Variants in SLC13A2 observed in about 807,000 individuals in gnomAD.
The protein encoded by SLC13A2 is solute carrier family 13 member 2, also known as Na(+)-coupled citrate transporter.
Under a neutral mutation model 58.5 loss-of-function variants are expected in SLC13A2, and 40 were observed. That is an observed-to-expected ratio of 0.68 (90% CI 0.53 to 0.89). The LOEUF (loss-of-function observed/expected upper bound fraction) is 0.89. Ranked by LOEUF, SLC13A2 falls within the 40% of genes least tolerant of loss-of-function variation. SLC13A2 has a pLI of 0.00. For synonymous variants in SLC13A2, 341 were observed against 331.6 expected, an observed-to-expected ratio of 1.03 and a Z score of -0.31; for missense variants, 694 against 772.6, an observed-to-expected ratio of 0.90 and a Z score of 1.21.
chr17:28,496,688 G>A lies in SLC13A2; in HGVS notation c.1608+101G>A. The A allele has an allele frequency of 2.0e-6, 3 of 1,474,686 alleles. No individual in the cohort carries two copies. The South Asian group carries it at 4.1e-5, about 20-fold the overall frequency. 91.4% of individuals were successfully genotyped at this position (1,474,686 alleles called of 1,614,324 possible). On this transcript the variant is annotated intron_variant, in intron 11 of 11. Transcript: ENST00000314669. The surrounding 1 kb of genome is among the most constrained non-coding windows in gnomAD (Gnocchi z 4.2). ...GCTTAAAGCCACTGAGAGTCTCAGA[G>A]TTGAGCGGGTCCTCATCTGGAATGA...
chr17:28,483,302 C>T (rs1235198751), intron 1 of SLC13A2, among the ~76,000 whole-genome samples: 2 of 152,172 alleles, frequency 1.3e-5, no homozygotes, highest in East Asian at 3.9e-4. Context: ...CAGCACCAAC[C>T]CTGCTATGGG....
chr17:28,475,510 C>T (rs1195365326), intron 1 of SLC13A2, among the ~76,000 whole-genome samples: 1 of 152,240 alleles, frequency 6.6e-6, no homozygotes, highest in Non-Finnish European at 1.5e-5. Flanking sequence ...CAAGAGCTCT[C>T]TTTCAAGGCC....
intron 4 of SLC13A2, 24 bp from the exon 5 acceptor site, chr17:28,491,413 A>G (rs2069016463): frequency 1.2e-6 from 2 of 1,611,764 alleles, no homozygotes; most frequent in South Asian, 2.2e-5. Context: ...ACCTGCCCCC[A>G]CCTGGGCTCT....
chr17:28,477,377 G>T (rs549471195), intron 1 of SLC13A2, among the ~76,000 whole-genome samples: 1,761 of 151,532 alleles, frequency 0.012, 20 homozygotes, highest in Non-Finnish European at 0.019. Context: ...TGTATTTTTA[G>T]TAGAGACGGG....
rs147270418 is a variant in SLC13A2 at position 28,491,528 on chromosome 17, C to T, written c.666C>T (p.Ser222=). ...QKHLHLTQCM[S]LCVCYSASIG... is the part of the protein sequence containing the mutation. ...ATCTCCACCTCACCCAGTGCATGAG[C>T]CTGTGCGTGTGCTACTCCGCCAGCA... The change falls in exon 5 of 12, where the codon AGC becomes AGT. Residue 222 remains serine, a synonymous_variant. Transcript: ENST00000314669. 1,596 of 1,613,806 alleles carry T rather than the reference C, an allele frequency of 9.9e-4. 1 individual carries two copies. The highest frequency in any genetic ancestry group is 1.3e-3 in the Non-Finnish European group (1,483 of 1,180,046).
intron 1 of SLC13A2, among the ~76,000 whole-genome samples, chr17:28,480,406 A>G (rs1296791541): frequency 1.3e-5 from 2 of 152,172 alleles, no homozygotes; most frequent in Non-Finnish European, 2.9e-5. Flanking sequence ...GACTTGGATG[A>G]TTCACTTCGG....
At chr17:28,487,966 A>G (rs1555602268) in intron 1 of SLC13A2, among the ~76,000 whole-genome samples, 1 of 151,940 alleles carries the variant, frequency 6.6e-6, no homozygotes, top group Non-Finnish European at 1.5e-5. Context: ...CCCAATCCCA[A>G]TCCTTTATCT....
intron 6 of SLC13A2, 44 bp from the exon 7 acceptor site, chr17:28,493,527 C>T: frequency 2.0e-6 from 3 of 1,521,472 alleles, no homozygotes; most frequent in Non-Finnish European, 1.8e-6. Context: ...TTGCTCCCTG[C>T]TGGAGCAGGC....
intron 1 of SLC13A2, among the ~76,000 whole-genome samples, chr17:28,478,370 A>AATGGTAAC: frequency 6.6e-6 from 1 of 152,356 alleles, no homozygotes; most frequent in South Asian, 2.1e-4. Flanking sequence ...TACCAAAAGG[A>AATGGTAAC]ATACAGATGT....
intron 1 of SLC13A2, among the ~76,000 whole-genome samples, chr17:28,474,756 C>A (rs1555599603): frequency 2.0e-5 from 3 of 152,210 alleles, no homozygotes; most frequent in Non-Finnish European, 4.4e-5. Context: ...CAGTCGGCCT[C>A]TGGCAAATCA....
chr17:28,485,176 C>T (rs1017354419), intron 1 of SLC13A2, among the ~76,000 whole-genome samples: 2 of 152,164 alleles, frequency 1.3e-5, no homozygotes, highest in African/African-American at 4.8e-5. Context: ...GAAGAGCATT[C>T]GCCACCAGGA....
intron 1 of SLC13A2, among the ~76,000 whole-genome samples, chr17:28,478,765 A>G (rs1320858614): frequency 3.3e-5 from 5 of 152,204 alleles, no homozygotes; most frequent in South Asian, 4.1e-4. Flanking sequence ...ATCCATTCAA[A>G]TGTATTCATC....
At chr17:28,491,676 G>A in intron 5 of SLC13A2, 54 bp from the exon 6 acceptor site, 2 of 1,609,932 alleles carry the variant, frequency 1.2e-6, no homozygotes, top group Non-Finnish European at 8.5e-7. Flanking sequence ...GAGGTGAATG[G>A]GGCTGGGCAG....
chr17:28,485,355 A>G (rs994594877), intron 1 of SLC13A2, among the ~76,000 whole-genome samples: 4 of 152,300 alleles, frequency 2.6e-5, no homozygotes, highest in African/African-American at 7.2e-5. Flanking sequence ...GTCCAATGCC[A>G]TAGGCTGTCA....
At chr17:28,477,350 C>A (rs532944809) in intron 1 of SLC13A2, among the ~76,000 whole-genome samples, 1 of 151,250 alleles carries the variant, frequency 6.6e-6, no homozygotes, top group Non-Finnish European at 1.5e-5. Context: ...CCTGCCACCA[C>A]GCCCGGCTAA....
intron 11 of SLC13A2, 23 bp from the exon 12 acceptor site, chr17:28,497,076 C>A: frequency 6.2e-7 from 1 of 1,610,274 alleles, no homozygotes. Context: ...CCTGCTTAGC[C>A]AAATGGACTC....
rs1555604248 is a variant in SLC13A2, at chr17:28,494,445, A to T, written c.1241A>T (p.Asn414Ile). The T allele has an allele frequency of 6.2e-7, 1 of 1,614,046 alleles. No homozygotes were observed. Among genetic ancestry groups the T allele is most frequent in the East Asian group, 2.2e-5 (1 of 44,854 alleles). ...PLGLLDWKTVNQKMPWNIVLL... is the reference protein window; with the variant it reads ...PLGLLDWKTVIQKMPWNIVLL... Reference sequence around the variant, plus strand: ...GGCCTCCTCGACTGGAAGACGGTGAACCAGAAGATGCCGTGGAATATCGTG... The same window carrying T: ...GGCCTCCTCGACTGGAAGACGGTGATCCAGAAGATGCCGTGGAATATCGTG... The change falls in exon 9 of 12, where the codon AAC becomes ATC. Residue 414 changes from asparagine to isoleucine, a missense_variant. By Grantham distance (149) the Asn-to-Ile change is moderately radical. Transcript: ENST00000314669. This position sits in a 1 kb window ranked among gnomAD's most constrained non-coding sequence, Gnocchi z 4.0.
At chr17:28,477,374 T>G (rs1437087362) in intron 1 of SLC13A2, among the ~76,000 whole-genome samples, 2 of 151,500 alleles carry the variant, frequency 1.3e-5, no homozygotes, top group Admixed American at 1.3e-4. Flanking sequence ...TTTTGTATTT[T>G]TAGTAGAGAC....
chr17:28,476,799 G>A (rs1336536898), intron 1 of SLC13A2, among the ~76,000 whole-genome samples: 1 of 152,122 alleles, frequency 6.6e-6, no homozygotes, highest in African/African-American at 2.4e-5. Flanking sequence ...GGCTCCGTGA[G>A]GACAGGGACT....
Sources: gnomAD v4.1 joint callset for allele counts (sites outside exome capture counted in the v4.1 genomes callset) on GRCh38, gnomAD v4.1.1 for gene constraint, Gnocchi (gnomAD v3.1) non-coding constraint, MANE v1.5 for transcripts, NCBI Gene and HGNC (gene_info 2026-07-23, HGNC 2026-07-21) for gene names.